Variants in KNL1 observed in about 807,000 individuals in gnomAD.
KNL1 encodes the protein kinetochore scaffold 1.
KNL1 carries 66 observed loss-of-function variants against 201.3 expected under a neutral mutation model. The observed-to-expected ratio is 0.33, with a 90% CI of 0.27 to 0.40. KNL1 has a LOEUF of 0.40. KNL1 is among the 10% of genes least tolerant of loss of function. The pLI is 1.00. For missense variants in KNL1, 2,815 were observed against 2,690.5 expected (o/e 1.05, Z -1.02); for synonymous variants, 895 against 899.2 (o/e 1.00, Z 0.08).
chr15:40,625,507 C>G lies in KNL1; in HGVS notation c.5243C>G (p.Pro1748Arg). 1 of 1,611,842 alleles carries G rather than the reference C, an allele frequency of 6.2e-7. No individual in the cohort carries two copies. The highest frequency in any genetic ancestry group is 1.1e-5 in the South Asian group (1 of 90,644). Reference protein sequence around the residue: ...LIETYQKEISPYENKMGKTCN... With the variant: ...LIETYQKEISRYENKMGKTCN... ...GAGACATACCAAAAAGAGATTTCAC[C>G]ATATGAAAATAAAATGGGAAAAACT... Residue 1748 changes from proline (P) to arginine (R), a missense_variant, in exon 10 of 26, where the codon CCA (proline) becomes CGA (arginine). By Grantham distance (103) the Pro-to-Arg change is moderately radical. Coordinates refer to ENST00000399668, the MANE Select transcript of KNL1 (RefSeq NM_144508.5).
intron 17 of KNL1, 105 bp from the exon 18 acceptor site, chr15:40,650,195 TC>T: frequency 1.4e-6 from 1 of 711,242 alleles, no homozygotes; most frequent in Non-Finnish European, 2.3e-6. Flanking sequence ...AAACAATCTG[TC>T]GTTTAATAAA....
intron 17 of KNL1, among the ~76,000 whole-genome samples, chr15:40,649,183 C>G (rs1020020591): frequency 6.6e-6 from 1 of 151,674 alleles, no homozygotes; most frequent in Non-Finnish European, 1.5e-5. Context: ...AAAAAAAAGT[C>G]CAAACTTCTG....
chr15:40,603,589 G>A (rs12916855), intron 2 of KNL1, among the ~76,000 whole-genome samples: 5 of 151,938 alleles, frequency 3.3e-5, no homozygotes, highest in Non-Finnish European at 4.4e-5. Flanking sequence ...AGACACCCCC[G>A]CCCCCCCATC....
Position 40,621,097 on chromosome 15 carries a change from A to G in KNL1, c.833A>G (p.Asp278Gly). ...ATTACTAGGCTCTTTAGAGAAAAAG[A>G]TGATGGGATGAATTTCACCCAGTGT... ...SNITRLFREK[D>G]DGMNFTQCHT... is the part of the protein sequence containing the mutation. The change falls in exon 10 of 26, where the codon GAT becomes GGT. Residue 278 changes from aspartate to glycine, a missense_variant. Transcript: ENST00000399668. 2 of 1,613,694 alleles carry G rather than the reference A, an allele frequency of 1.2e-6. No homozygotes were observed. Among genetic ancestry groups the G allele is most frequent in the Non-Finnish European group, 1.7e-6 (2 of 1,179,818 alleles).
At chr15:40,636,167 TA>T in intron 13 of KNL1, among the ~76,000 whole-genome samples, 1 of 152,218 alleles carries the variant, frequency 6.6e-6, no homozygotes. Context: ...GTGCTCCTGC[TA>T]GGCTTGAAGT....
intron 13 of KNL1, among the ~76,000 whole-genome samples, chr15:40,633,297 C>T (rs1395527057): frequency 2.5e-5 from 3 of 118,378 alleles, no homozygotes; most frequent in African/African-American, 3.4e-5. Flanking sequence ...GGCGACAGAG[C>T]GAAACTCTGT....
At chr15:40,658,916 C>T (rs1274395892) in intron 24 of KNL1, among the ~76,000 whole-genome samples, 12 of 139,770 alleles carry the variant, frequency 8.6e-5, no homozygotes, top group East Asian at 4.2e-4. Flanking sequence ...GGTGACAGAG[C>T]GAGACTCCAT....
chr15:40,652,467 T>G (rs989093726), intron 21 of KNL1, among the ~76,000 whole-genome samples: 6 of 150,486 alleles, frequency 4.0e-5, no homozygotes, highest in Admixed American at 6.6e-5. Flanking sequence ...TTTTTTTTTT[T>G]TTTTTCTTTT....
chr15:40,595,399 A>G (rs1891592760), intron 1 of KNL1, among the ~76,000 whole-genome samples: 2 of 152,332 alleles, frequency 1.3e-5, no homozygotes, highest in African/African-American at 2.4e-5. Flanking sequence ...ACCGCATTTG[A>G]GGTGGACGTT....
chr15:40,634,158 G>A (rs1333817050), intron 13 of KNL1, among the ~76,000 whole-genome samples: 5 of 152,136 alleles, frequency 3.3e-5, no homozygotes, highest in South Asian at 2.1e-4. Flanking sequence ...CCAGGCTGGA[G>A]TGCAGTGGCA....
In KNL1 at chr15:40,628,595, T is replaced by A; in HGVS notation, c.5516-16T>A. The A allele has an allele frequency of 6.4e-7, 1 of 1,559,294 alleles. No individual in the cohort carries two copies. ...AGTTTTGACTTGTTCGTCACCAGAA[T>A]TTGCTTTACTTCTAGCTTACCGCAG... On this transcript the variant is annotated splice_polypyrimidine_tract_variant and intron_variant, in intron 11 of 25. Coordinates refer to ENST00000399668, the MANE Select transcript of KNL1 (RefSeq NM_144508.5).
chr15:40,652,961 G>A lies in KNL1; in HGVS notation c.6415+856G>A, dbSNP rs1376201902. ...GGTATTTTCTCTTTAACCAGTCAGC[G>A]TCAACATGGCCAACCATGGGCAAAC... On this transcript the variant is annotated intron_variant, in intron 21 of 25. Transcript: ENST00000399668. Among the ~76,000 whole-genome samples the A allele has an allele frequency of 2.0e-5, 3 of 152,010 alleles. 1 individual carries two copies.
At position 40,610,119 on chromosome 15, in the gene KNL1, G is replaced by A. The variant is rs1394335530; in HGVS notation, c.198-126G>A. 5.1e-6 allele frequency: 3 copies of A among 589,154 alleles called. No homozygotes were observed. In the African/African-American group the frequency reaches 5.6e-5, roughly 11 times the overall value. The allele number at this position is 589,154 out of a possible 1,614,324, so 36.5% of individuals were successfully genotyped here. A position where few individuals can be genotyped will look rare whatever the true frequency, so the allele number is the denominator to read the frequency against. Reference sequence around the variant, plus strand: ...GCATTTGAAATACTAGGAGTATATGGCATAGCAAAGAGGAAGCTAAAATCA... The same window carrying A: ...GCATTTGAAATACTAGGAGTATATGACATAGCAAAGAGGAAGCTAAAATCA... On this transcript the variant is annotated intron_variant, in intron 5 of 25. Transcript: ENST00000399668.
At chr15:40,633,147 G>A (rs1403624799) in intron 13 of KNL1, among the ~76,000 whole-genome samples, 3 of 151,988 alleles carry the variant, frequency 2.0e-5, no homozygotes, top group Non-Finnish European at 4.4e-5. Flanking sequence ...TGGCCAACAT[G>A]GTGAAACCGC....
At chr15:40,611,999 A>C (rs1567002472) in intron 7 of KNL1, among the ~76,000 whole-genome samples, 1 of 151,824 alleles carries the variant, frequency 6.6e-6, no homozygotes, top group Non-Finnish European at 1.5e-5. Flanking sequence ...GGCCAACATG[A>C]TGAAACCCCA....
chr15:40,639,510 A>T (rs12912339), intron 13 of KNL1, among the ~76,000 whole-genome samples: 2 of 149,570 alleles, frequency 1.3e-5, no homozygotes, highest in Non-Finnish European at 3.0e-5. Flanking sequence ...GCTTGAAGCC[A>T]CGAGGTGGAG....
intron 13 of KNL1, among the ~76,000 whole-genome samples, chr15:40,638,310 T>C (rs1382502651): frequency 1.3e-5 from 2 of 151,856 alleles, no homozygotes; most frequent in Non-Finnish European, 2.9e-5. Context: ...AGCTGGGTTC[T>C]AGTGTTGTCA....
intron 1 of KNL1, among the ~76,000 whole-genome samples, chr15:40,596,641 C>T (rs1222266096): frequency 6.6e-6 from 1 of 152,038 alleles, no homozygotes; most frequent in Non-Finnish European, 1.5e-5. Context: ...CACTGCACAA[C>T]TTCTGAAACT....
intron 25 of KNL1, among the ~76,000 whole-genome samples, chr15:40,660,568 AG>A (rs1893879229): frequency 1.4e-5 from 2 of 147,080 alleles, no homozygotes; most frequent in African/African-American, 5.1e-5. Flanking sequence ...GGGGAGGCTG[AG>A]GCAGAGAATT....
Sources: allele counts gnomAD v4.1 joint callset (sites outside exome capture counted in the v4.1 genomes callset), GRCh38; gene constraint gnomAD v4.1.1; transcripts MANE v1.5; gene names NCBI Gene and HGNC (gene_info 2026-07-23, HGNC 2026-07-21).